The following ADSL variants were observed in gnomAD, a reference collection of about 807,000 sequenced individuals.
The protein encoded by ADSL is adenylosuccinate lyase.
ADSL carries 44 observed loss-of-function variants against 62.1 expected under a neutral mutation model. The observed-to-expected ratio is 0.71, with a 90% CI of 0.56 to 0.91. The LOEUF is 0.91. Ranked by LOEUF, ADSL falls within the 40% of genes least tolerant of loss-of-function variation. The pLI, the probability that ADSL is intolerant of heterozygous loss-of-function variation, is 0.00. For missense variants in ADSL, 531 were observed against 627.4 expected (o/e 0.85, Z 1.64); for synonymous variants, 198 against 220.5 (o/e 0.90, Z 0.90).
chr22:40,366,255 G>A (rs551581725), intron 12 of ADSL, among the ~76,000 whole-genome samples, 181 bp from the exon 13 acceptor site: 155 of 152,344 alleles, frequency 1.0e-3, no homozygotes, highest in African/African-American at 3.6e-3. Flanking sequence ...TGTGGGCATG[G>A]TGGTTGAATC....
Position 40,364,261 on chromosome 22 carries a change from T to C in ADSL, c.1102-15T>C. On this transcript the variant is annotated splice_polypyrimidine_tract_variant and intron_variant, in intron 10 of 12. Transcript: ENST00000623063. ...AGGCACCTTTCTTGGTCATTCACCGTATCTTTTCCTATAGGTAATTGAACG... is the reference window on the plus strand; with the variant it reads ...AGGCACCTTTCTTGGTCATTCACCGCATCTTTTCCTATAGGTAATTGAACG... 6.2e-7 allele frequency: 1 copy of C among 1,612,566 alleles called. No homozygotes were observed. Among genetic ancestry groups the C allele is most frequent in the Non-Finnish European group, 8.5e-7 (1 of 1,179,078 alleles).
chr22:40,383,728 G>A (rs1601813962), intron 2 of ADSL, among the ~76,000 whole-genome samples: 1 of 152,122 alleles, frequency 6.6e-6, no homozygotes, highest in African/African-American at 2.4e-5. Flanking sequence ...AAAGAGATTG[G>A]GGTCTATGGA....
In ADSL at chr22:40,375,631, C is replaced by G. The variant is rs569102535; in HGVS notation, c.89+9133C>G. ...CCCAATTCAGTGTCAAAAGTCTTAT[C>G]TTGGAAAGGGTATAATTTCCAATTA... is the stretch of plus-strand genomic sequence containing the variant. On this transcript the variant is annotated intron_variant, in intron 2 of 2. Transcript: ENST00000498234. Among the ~76,000 whole-genome samples the G allele has an allele frequency of 1.1e-4, 16 of 150,254 alleles. No individual in the cohort carries two copies. In the South Asian group the frequency reaches 3.4e-3, roughly 32 times the overall value.
At chr22:40,362,736 G>C (rs547317945) in intron 9 of ADSL, among the ~76,000 whole-genome samples, 10 of 152,114 alleles carry the variant, frequency 6.6e-5, no homozygotes, top group Non-Finnish European at 1.3e-4. Context: ...GTTCAGTTTG[G>C]GGATTGAGGT....
chr22:40,348,306 C>T (rs1284318355), intron 1 of ADSL: 2 of 397,240 alleles, frequency 5.0e-6, no homozygotes, highest in African/African-American at 2.1e-5. Context: ...GTAAAGGTTC[C>T]AGGCAGTTCT....
At position 40,361,311 on chromosome 22, in the gene ADSL, G is replaced by A; in HGVS notation, c.831G>A (p.Glu277=). ...TACGCCTCCTGGCAAACCTCAAGGA[G>A]ATGGAGGAACCCTTTGAAAAACAGC... ...TDIRLLANLK[E]MEEPFEKQQI... The change falls in exon 8 of 13, where the codon GAG becomes GAA. Residue 277 remains glutamate, a synonymous_variant. Coordinates refer to ENST00000623063, the MANE Select transcript of ADSL (RefSeq NM_000026.4). 6.2e-7 allele frequency: 1 copy of A among 1,614,214 alleles called. No individual in the cohort carries two copies. The highest frequency in any genetic ancestry group is 1.3e-5 in the African/African-American group (1 of 75,050).
downstream of ADSL, chr22:40,369,472 A>T (rs1428352188): frequency 2.7e-5 from 4 of 148,242 alleles, no homozygotes; most frequent in African/African-American, 9.8e-5. Context: ...ATACATTCAT[A>T]TATATTATAT....
chr22:40,361,056 C>T (rs968472289), intron 7 of ADSL: 12 of 632,238 alleles, frequency 1.9e-5, no homozygotes, highest in Non-Finnish European at 3.4e-5. Flanking sequence ...TTCACAAAAG[C>T]GTTTTCATGC....
At chr22:40,363,104 G>A (rs1198143236) in intron 10 of ADSL, 33 bp downstream of exon 10, 4 of 1,596,060 alleles carry the variant, frequency 2.5e-6, no homozygotes, top group Admixed American at 3.3e-5. Flanking sequence ...TAAAGTACTA[G>A]GGAGGGGTTA....
chr22:40,361,587 C>G lies in ADSL; in HGVS notation c.962C>G (p.Thr321Arg). 6.2e-7 allele frequency: 1 copy of G among 1,614,188 alleles called. No homozygotes were observed. Among genetic ancestry groups the G allele is most frequent in the Non-Finnish European group, 8.5e-7 (1 of 1,180,046 alleles). The change falls in exon 9 of 13, where the codon ACA becomes AGA. Residue 321 changes from threonine to arginine, a missense_variant. Thr to Arg is a moderately conservative substitution (Grantham distance 71, BLOSUM62 -1). This residue lies in a region of ADSL where 471 missense variants were observed against 592.9 expected (regional missense o/e 0.79). Transcript: ENST00000623063. ...ACCCTTGTCATGGACCCGCTACAGA[C>G]AGCATCTGTCCAGTGGTTTGAACGC... ...LMTLVMDPLQ[T>R]ASVQWFERTL...
intron 2 of ADSL, chr22:40,387,511 A>G: frequency 3.6e-6 from 1 of 280,994 alleles, no homozygotes; most frequent in Non-Finnish European, 6.6e-6. Context: ...ATGTTAATAT[A>G]AAACTTTCAA....
At chr22:40,364,220 T>G (rs1479797833) in intron 10 of ADSL, 56 bp from the exon 11 acceptor site, 1 of 1,458,876 alleles carries the variant, frequency 6.9e-7, no homozygotes, top group Admixed American at 1.8e-5. Context: ...CTGCTGTGTT[T>G]ATGACTTTAA....
At chr22:40,364,414 C>A in intron 11 of ADSL, 49 bp downstream of exon 11, 1 of 1,501,152 alleles carries the variant, frequency 6.7e-7, no homozygotes, top group South Asian at 1.1e-5. Context: ...CACGTTTGGT[C>A]CTGCTCTCTT....
intron 1 of ADSL, 149 bp downstream of exon 1, chr22:40,346,860 C>T (rs1013207691): frequency 4.7e-6 from 4 of 842,410 alleles, no homozygotes; most frequent in Non-Finnish European, 7.2e-6. Context: ...GAGCTGCGGC[C>T]CCAGGAAAGC....
chr22:40,360,136 C>T (rs1332143364), intron 6 of ADSL, among the ~76,000 whole-genome samples: 1 of 152,168 alleles, frequency 6.6e-6, no homozygotes, highest in African/African-American at 2.4e-5. Context: ...AGCAAGTTAC[C>T]ACTCAGGTCC....
intron 2 of ADSL, among the ~76,000 whole-genome samples, chr22:40,379,631 T>C (rs1251303205): frequency 2.6e-5 from 4 of 152,192 alleles, no homozygotes; most frequent in African/African-American, 9.7e-5. Flanking sequence ...TAAGTAAATA[T>C]CTTCCTCCTT....
Position 40,366,979 on chromosome 22 carries a change from T to TAA in ADSL, c.*473_*474dup, listed in dbSNP as rs71718801. 6.5e-3 allele frequency: 889 copies of TAA among 135,958 alleles called. 5 individuals carry two copies. The highest frequency in any genetic ancestry group is 0.018 in the African/African-American group (647 of 34,986). 8.4% of individuals were successfully genotyped at this position (135,958 alleles called of 1,614,324 possible). The stretch of plus-strand genomic sequence containing the variant: ...GAAGTTTGGAACTACAGTAAATACT[T>TAA]AAAAAAAAAAAAAAAAAGAACCAAA... On this transcript the variant is annotated 3_prime_UTR_variant, in exon 13 of 13. Coordinates refer to ENST00000623063, the MANE Select transcript of ADSL (RefSeq NM_000026.4).
At chr22:40,365,259 TG>T (rs1356073760) in intron 12 of ADSL, among the ~76,000 whole-genome samples, 7 of 152,086 alleles carry the variant, frequency 4.6e-5, no homozygotes, top group Non-Finnish European at 8.8e-5. Flanking sequence ...CAGGCTGGAG[TG>T]CAGTGGTGCT....
Position 40,359,319 on chromosome 22 carries a change from G to A in ADSL, c.701+13G>A. The A allele has an allele frequency of 6.2e-7, 1 of 1,613,492 alleles. No homozygotes were observed. Among genetic ancestry groups the A allele is most frequent in the Non-Finnish European group, 8.5e-7 (1 of 1,179,424 alleles). On this transcript the variant is annotated intron_variant, in intron 6 of 12. Coordinates refer to ENST00000623063, the MANE Select transcript of ADSL (RefSeq NM_000026.4). ...CAGGATTTAAGAGGTAGGTAAATGG[G>A]AATGTGTTGGCCTCCCTGTTAAGTT...
Sources: allele counts gnomAD v4.1 joint callset (sites outside exome capture counted in the v4.1 genomes callset), GRCh38; gene constraint gnomAD v4.1.1; regional missense constraint gnomAD v4.1.1; transcripts MANE v1.5; gene names NCBI Gene and HGNC (gene_info 2026-07-23, HGNC 2026-07-21).